Variants in GRIK3 observed in about 807,000 individuals in gnomAD.
The protein encoded by GRIK3 is glutamate receptor ionotropic, kainate 3.
In GRIK3, 29 loss-of-function variants were observed where a neutral mutation model predicts 102.5. The ratio of observed to expected loss-of-function variants is 0.28; its 90% confidence interval spans 0.21 to 0.39. The LOEUF is 0.39. Ranked by LOEUF, GRIK3 falls within the 10% of genes least tolerant of loss-of-function variation. The probability of loss-of-function intolerance (pLI) is 1.00; values close to 1 mark genes in which losing one functional copy is unlikely to be tolerated. For synonymous variants in GRIK3, 511 were observed against 504.9 expected (o/e 1.01, Z -0.16); for missense variants, 908 against 1,252.4 (o/e 0.73, Z 4.15).
At chr1:37,024,998 C>A (rs115413581) in intron 1 of GRIK3, among the ~76,000 whole-genome samples, 98 of 152,052 alleles carry the variant, frequency 6.4e-4, no homozygotes, top group African/African-American at 2.1e-3. Flanking sequence ...AGTGACTTAC[C>A]CAAAGTCACA....
intron 1 of GRIK3, among the ~76,000 whole-genome samples, chr1:37,015,632 T>G (rs1429177230): frequency 6.6e-6 from 1 of 152,108 alleles, no homozygotes; most frequent in Non-Finnish European, 1.5e-5. Context: ...CCCAGGTCCA[T>G]AGCCTAGCCA....
chr1:36,859,400 C>T (rs192680410), intron 6 of GRIK3, 149 bp from the exon 7 acceptor site: 151 of 831,360 alleles, frequency 1.8e-4, no homozygotes, highest in African/African-American at 1.2e-3. Flanking sequence ...ACTCTGTCTA[C>T]GCCTCTGAGG....
chr1:37,004,226 G>A (rs1408688931), intron 1 of GRIK3, among the ~76,000 whole-genome samples: 5 of 152,196 alleles, frequency 3.3e-5, no homozygotes, highest in East Asian at 1.9e-4. Context: ...GAGGGGGCTC[G>A]GACAAGCCAC....
chr1:36,916,724 T>C (rs1261742756), intron 1 of GRIK3, among the ~76,000 whole-genome samples: 1 of 151,976 alleles, frequency 6.6e-6, no homozygotes, highest in Non-Finnish European at 1.5e-5. Flanking sequence ...AGAATTGAGG[T>C]TTGGGAGCCT....
rs745693277 is a variant in GRIK3, at chr1:37,034,122, C to G, written c.-14G>C. Reference sequence around the variant, plus strand: ...GGGAGCGGTCATCGTTGGGCGCCGCCGAGCGTGCCCGGGGCGCGGCCGTGG... The same window carrying G: ...GGGAGCGGTCATCGTTGGGCGCCGCGGAGCGTGCCCGGGGCGCGGCCGTGG... On this transcript the variant is annotated 5_prime_UTR_variant, in exon 1 of 16. Transcript: ENST00000373091. 2.3e-5 allele frequency: 33 copies of G among 1,437,364 alleles called. No individual in the cohort carries two copies. In the Admixed American group the frequency reaches 4.0e-4, roughly 17 times the overall value. The allele number at this position is 1,437,364 out of a possible 1,614,324, so 89.0% of individuals were successfully genotyped here.
intron 14 of GRIK3, 28 bp from the exon 15 acceptor site, chr1:36,805,265 A>G: frequency 6.3e-7 from 1 of 1,581,818 alleles, no homozygotes; most frequent in Non-Finnish European, 8.6e-7. Context: ...ACCCCTAGCC[A>G]TCAGTGGCGT....
At chr1:36,959,626 G>A (rs1641975525) in intron 1 of GRIK3, among the ~76,000 whole-genome samples, 1 of 132,430 alleles carries the variant, frequency 7.6e-6, no homozygotes, top group Admixed American at 7.4e-5. Flanking sequence ...CCGTAACTCT[G>A]TGCCCTGTGA....
intron 1 of GRIK3, among the ~76,000 whole-genome samples, chr1:36,979,442 G>T (rs1642227677): frequency 6.6e-6 from 1 of 152,202 alleles, no homozygotes; most frequent in South Asian, 2.1e-4. Flanking sequence ...CTCAGGTGCA[G>T]GAATGCTCTC....
rs754640193 is a variant in GRIK3, at chr1:37,033,977, C to T, written c.115+17G>A. 16 of 1,490,650 alleles carry T rather than the reference C, an allele frequency of 1.1e-5. No homozygotes were observed. Among genetic ancestry groups the T allele is most frequent in the Non-Finnish European group, 1.5e-5 (16 of 1,088,572 alleles). The allele number at this position is 1,490,650 out of a possible 1,614,324, so 92.3% of individuals were successfully genotyped here. On this transcript the variant is annotated intron_variant, in intron 1 of 15. Transcript: ENST00000373091. ...CTCCCGGGCGCACGGAGACCCCCGG[C>T]TCCAGGGAGCGCTTACCGATCCGGA...
chr1:36,853,561 G>T, intron 8 of GRIK3, 54 bp downstream of exon 8: 1 of 1,181,118 alleles, frequency 8.5e-7, no homozygotes, highest in South Asian at 1.2e-5. Flanking sequence ...TGCCCTAGGA[G>T]ATTTAAGAAG....
chr1:37,017,369 T>TA (rs774819790), intron 1 of GRIK3, among the ~76,000 whole-genome samples: 1,069 of 48,478 alleles, frequency 0.022, 115 homozygotes, highest in African/African-American at 0.052. Context: ...CCCTGTCTCT[T>TA]AAAAAAAAAA....
In GRIK3 at chr1:36,819,613, C is replaced by A. The variant is rs146425636; in HGVS notation, c.1873+123G>T. On this transcript the variant is annotated intron_variant, in intron 12 of 15. Transcript: ENST00000373091. This position sits in a 1 kb window ranked among gnomAD's most constrained non-coding sequence, Gnocchi z 4.1. ...TATCTCGATGTCTCCAAACTTCTGCCGGCTCATCAGGGTCTGAGGCTACCC... is the reference window on the plus strand; with the variant it reads ...TATCTCGATGTCTCCAAACTTCTGCAGGCTCATCAGGGTCTGAGGCTACCC... 43 of 650,420 alleles carry A rather than the reference C, an allele frequency of 6.6e-5. No individual in the cohort carries two copies. The African/African-American group carries it at 7.0e-4, about 11-fold the overall frequency. The allele number at this position is 650,420 out of a possible 1,614,324, so 40.3% of individuals were successfully genotyped here.
chr1:37,026,151 A>G lies in GRIK3; in HGVS notation c.115+7843T>C, dbSNP rs1020533980. Among the ~76,000 whole-genome samples the G allele has an allele frequency of 2.4e-4, 36 of 152,310 alleles. 1 individual carries two copies. Among genetic ancestry groups the G allele is most frequent in the African/African-American group, 8.7e-4 (36 of 41,560 alleles). ...GACCAGCCCCTTAAGAACATCCCAT[A>G]ACCAGGGTCTTCCCAGCTCTGAACA... On this transcript the variant is annotated intron_variant, in intron 1 of 15. Coordinates refer to ENST00000373091, the MANE Select transcript of GRIK3 (RefSeq NM_000831.4).
intron 13 of GRIK3, among the ~76,000 whole-genome samples, chr1:36,814,943 G>T (rs1438420516): frequency 6.6e-6 from 1 of 152,124 alleles, no homozygotes; most frequent in African/African-American, 2.4e-5. Context: ...ATGCAGACAC[G>T]TGTCCAAGCA....
chr1:36,848,107 T>C (rs1472160168), intron 9 of GRIK3, among the ~76,000 whole-genome samples: 4 of 152,246 alleles, frequency 2.6e-5, no homozygotes, highest in African/African-American at 9.6e-5. Context: ...GGGTGTCTCC[T>C]GGATTCTGCC....
At chr1:36,841,365 G>C (rs918587977) in intron 10 of GRIK3, among the ~76,000 whole-genome samples, 3 of 152,216 alleles carry the variant, frequency 2.0e-5, no homozygotes, top group Non-Finnish European at 4.4e-5. Flanking sequence ...TCATGTGGGT[G>C]CCTTGCCCCA....
intron 1 of GRIK3, among the ~76,000 whole-genome samples, chr1:36,956,257 G>C (rs543578268): frequency 6.6e-6 from 1 of 152,228 alleles, no homozygotes; most frequent in Non-Finnish European, 1.5e-5. Context: ...AGCAGGCAGC[G>C]TGATTGGTAG....
intron 1 of GRIK3, among the ~76,000 whole-genome samples, chr1:36,895,352 C>T (rs1464403334): frequency 1.3e-5 from 2 of 151,620 alleles, no homozygotes; most frequent in African/African-American, 2.4e-5. Context: ...TTCAAAACAA[C>T]TATGATTAAT....
intron 1 of GRIK3, among the ~76,000 whole-genome samples, chr1:36,985,353 C>T (rs1642293040): frequency 6.6e-6 from 1 of 152,158 alleles, no homozygotes; most frequent in Admixed American, 6.5e-5. Context: ...CCTGGTCTTT[C>T]CCTGTACCTG....
Sources: gnomAD v4.1 joint callset for allele counts (sites outside exome capture counted in the v4.1 genomes callset) on GRCh38, gnomAD v4.1.1 for gene constraint, Gnocchi (gnomAD v3.1) non-coding constraint, MANE v1.5 for transcripts, NCBI Gene and HGNC (gene_info 2026-07-23, HGNC 2026-07-21) for gene names.